The following FAM81B variants were observed in gnomAD, a reference collection of about 807,000 sequenced individuals.
FAM81B encodes the protein family with sequence similarity 81 member B.
A neutral mutation model predicts 58.7 loss-of-function variants in FAM81B; 60 were observed. That is an observed-to-expected ratio of 1.02 (90% CI 0.83 to 1.27). The LOEUF (loss-of-function observed/expected upper bound fraction) is 1.27, where lower values mean the gene tolerates loss of function less well. Among genes scored for constraint, FAM81B ranks in the 50% most tolerant of loss-of-function variants. FAM81B has a pLI of 0.00. For missense variants in FAM81B, 491 were observed against 522.0 expected (o/e 0.94, Z 0.58); for synonymous variants, 189 against 179.6 (o/e 1.05, Z -0.42).
At chr5:95,435,178 T>C (rs1745051992) in intron 6 of FAM81B, among the ~76,000 whole-genome samples, 1 of 152,206 alleles carries the variant, frequency 6.6e-6, no homozygotes. Context: ...TTGAGCACAG[T>C]AGTCACAGCC....
chr5:95,444,286 T>C (rs1261991331), intron 7 of FAM81B, among the ~76,000 whole-genome samples: 1 of 152,206 alleles, frequency 6.6e-6, no homozygotes, highest in Non-Finnish European at 1.5e-5. Context: ...CTTGCTTTCA[T>C]GGAGCTTAAC....
At chr5:95,395,198 G>A (rs1319433953) in intron 2 of FAM81B, among the ~76,000 whole-genome samples, 1 of 151,986 alleles carries the variant, frequency 6.6e-6, no homozygotes, top group African/African-American at 2.4e-5. Flanking sequence ...CCAGCACTTC[G>A]GGAGGCTGAG....
At chr5:95,434,374 C>G (rs965489346) in intron 6 of FAM81B, among the ~76,000 whole-genome samples, 2 of 152,152 alleles carry the variant, frequency 1.3e-5, no homozygotes, top group African/African-American at 2.4e-5. Context: ...TTCCATGTGG[C>G]CTTTCTCCAG....
chr5:95,420,679 T>C (rs1762656428), intron 5 of FAM81B, among the ~76,000 whole-genome samples: 1 of 152,076 alleles, frequency 6.6e-6, no homozygotes, highest in Non-Finnish European at 1.5e-5. Context: ...CCAACATCCA[T>C]ACATAGACGC....
At chr5:95,422,636 C>T (rs917318151) in intron 5 of FAM81B, among the ~76,000 whole-genome samples, 3 of 152,130 alleles carry the variant, frequency 2.0e-5, no homozygotes, top group African/African-American at 7.2e-5. Context: ...GTGCACGCCA[C>T]CATGACTGGC....
At position 95,440,645 on chromosome 5, in the gene FAM81B, T is replaced by G. The variant is rs1263233258; in HGVS notation, c.893+3739T>G. ...CCATAGTAGCTGTTCAGACAATTATTACTGATCCAAGGACAGACCACAGAC... is the reference window on the plus strand; with the variant it reads ...CCATAGTAGCTGTTCAGACAATTATGACTGATCCAAGGACAGACCACAGAC... On this transcript the variant is annotated intron_variant, in intron 7 of 9. Transcript: ENST00000283357. 20 of 866,126 alleles carry G rather than the reference T, an allele frequency of 2.3e-5. 1 individual carries two copies. In the Admixed American group the frequency reaches 4.5e-4, roughly 20 times the overall value. 53.7% of individuals were successfully genotyped at this position (866,126 alleles called of 1,614,324 possible).
At chr5:95,409,486 TAA>T (rs1762352310) in intron 3 of FAM81B, among the ~76,000 whole-genome samples, 8 of 151,508 alleles carry the variant, frequency 5.3e-5, no homozygotes, top group South Asian at 2.1e-4. Context: ...GAATTTTTCT[TAA>T]TGTGGCTATT....
intron 7 of FAM81B, among the ~76,000 whole-genome samples, chr5:95,444,382 A>C (rs1319940664): frequency 6.6e-6 from 1 of 152,226 alleles, no homozygotes; most frequent in Non-Finnish European, 1.5e-5. Context: ...GTAAGAGAAT[A>C]GGAAGTTTCA....
chr5:95,442,916 G>T (rs1341026571), intron 7 of FAM81B, among the ~76,000 whole-genome samples: 1 of 152,062 alleles, frequency 6.6e-6, no homozygotes, highest in African/African-American at 2.4e-5. Context: ...TTTCAAATAT[G>T]ATTACAAAAA....
At chr5:95,427,252 G>A (rs1315430018) in intron 5 of FAM81B, among the ~76,000 whole-genome samples, 7 of 152,086 alleles carry the variant, frequency 4.6e-5, no homozygotes, top group South Asian at 2.1e-4. Context: ...CAGTCTTTGG[G>A]GGTCTTAATA....
chr5:95,419,552 G>A (rs978761471), intron 4 of FAM81B, among the ~76,000 whole-genome samples: 1 of 151,938 alleles, frequency 6.6e-6, no homozygotes, highest in Admixed American at 6.6e-5. Context: ...ACTTATAAAT[G>A]GGTACAAAAA....
intron 6 of FAM81B, 60 bp from the exon 7 acceptor site, chr5:95,436,740 T>C (rs1745115768): frequency 9.3e-7 from 1 of 1,072,280 alleles, no homozygotes; most frequent in Admixed American, 1.7e-5. Context: ...GAATAAAGTA[T>C]ATTAATGTGA....
chr5:95,396,468 C>A, intron 3 of FAM81B: 1 of 233,318 alleles, frequency 4.3e-6, no homozygotes, highest in Non-Finnish European at 8.2e-6. Flanking sequence ...TTGCATATTG[C>A]AACAATATCA....
rs1025838109 is a variant in FAM81B, at chr5:95,420,707, C to T, written c.656+305C>T. On this transcript the variant is annotated intron_variant, in intron 5 of 9. Coordinates refer to ENST00000283357, the MANE Select transcript of FAM81B (RefSeq NM_152548.3). ...ATAGACGCACCTTCATAACCATGTA[C>T]GAAATCCCCATATGTGTCAAATGCG... 5.7e-5 allele frequency among the ~76,000 whole-genome samples: 8 copies of T among 139,740 alleles called. No homozygotes were observed. The South Asian group carries it at 6.5e-4, about 11-fold the overall frequency. The allele number at this position is 139,740 out of a possible 152,430, so 91.7% of individuals were successfully genotyped here.
intron 3 of FAM81B, among the ~76,000 whole-genome samples, chr5:95,405,763 A>C (rs2152761841): frequency 6.6e-6 from 1 of 152,258 alleles, no homozygotes; most frequent in South Asian, 2.1e-4. Flanking sequence ...GGTGTGGATG[A>C]GCCCCAGGCA....
Position 95,448,468 on chromosome 5 carries a change from A to G in FAM81B, c.1225+4A>G. 1 of 1,591,492 alleles carries G rather than the reference A, an allele frequency of 6.3e-7. No homozygotes were observed. Among genetic ancestry groups the G allele is most frequent in the East Asian group, 2.2e-5 (1 of 44,654 alleles). On this transcript the variant is annotated splice_donor_region_variant and intron_variant, in intron 9 of 9. Transcript: ENST00000283357. ...ATGCAGAATGAATATCAATCAGGTG[A>G]GCAGATACCTTTTATTAAGTAAAGA...
chr5:95,393,470 T>C (rs1761884546), intron 2 of FAM81B, among the ~76,000 whole-genome samples: 1 of 60,348 alleles, frequency 1.7e-5, no homozygotes, highest in Non-Finnish European at 3.3e-5. Context: ...AATGATTACT[T>C]AACCTCTGTT....
Position 95,448,407 on chromosome 5 carries a change from C to G in FAM81B, c.1168C>G (p.Gln390Glu). The stretch of plus-strand genomic sequence containing the variant: ...AAATAAATTGTCCAAAAAGATGGAA[C>G]AAATGGAAAAGCAGATCTGGGGTGA... Reference protein sequence around the residue: ...MENKLSKKMEQMEKQIWGELE... With the variant: ...MENKLSKKMEEMEKQIWGELE... The change falls in exon 9 of 10, where the codon CAA becomes GAA. Residue 390 changes from glutamine (Q) to glutamate (E), a missense_variant. By Grantham distance (29) the Gln-to-Glu change is conservative. Coordinates refer to ENST00000283357, the MANE Select transcript of FAM81B (RefSeq NM_152548.3). 1.2e-6 allele frequency: 2 copies of G among 1,612,228 alleles called. No homozygotes were observed. Among genetic ancestry groups the G allele is most frequent in the South Asian group, 2.2e-5 (2 of 90,490 alleles).
At chr5:95,427,738 A>T (rs1020262748) in intron 5 of FAM81B, among the ~76,000 whole-genome samples, 3 of 152,222 alleles carry the variant, frequency 2.0e-5, no homozygotes, top group African/African-American at 7.2e-5. Flanking sequence ...GATAACTCAG[A>T]TATACAAAAG....
Sources: allele counts gnomAD v4.1 joint callset (sites outside exome capture counted in the v4.1 genomes callset), GRCh38; gene constraint gnomAD v4.1.1; transcripts MANE v1.5; gene names NCBI Gene and HGNC (gene_info 2026-07-23, HGNC 2026-07-21).